The following TPRG1 variants were observed in gnomAD, a reference collection of about 807,000 sequenced individuals.
TPRG1 encodes the protein tumor protein p63 regulated 1, also known as tumor protein p63-regulated gene 1 protein.
Under a neutral mutation model 29.3 loss-of-function variants are expected in TPRG1, and 29 were observed. The observed-to-expected ratio is 0.99, with a 90% CI of 0.74 to 1.35. The LOEUF (loss-of-function observed/expected upper bound fraction) is 1.35. Ranked by LOEUF, TPRG1 falls within the 40% of genes most tolerant of loss-of-function variation. The pLI is 0.00. For missense variants in TPRG1, 327 were observed against 335.0 expected (o/e 0.98, Z 0.19); for synonymous variants, 130 against 116.8 (o/e 1.11, Z -0.73).
At chr3:189,079,685 G>A (rs1717455100) in intron 4 of TPRG1, among the ~76,000 whole-genome samples, 2 of 152,228 alleles carry the variant, frequency 1.3e-5, no homozygotes, top group South Asian at 4.2e-4. Context: ...TTGACACTCT[G>A]CACTCCCCAT....
At chr3:189,213,801 T>G (rs1465988560) in intron 2 of TPRG1, among the ~76,000 whole-genome samples, 1 of 152,206 alleles carries the variant, frequency 6.6e-6, no homozygotes, top group Non-Finnish European at 1.5e-5. Flanking sequence ...TCTGTTCATT[T>G]TTTTCTTTCA....
intron 4 of TPRG1, among the ~76,000 whole-genome samples, chr3:189,258,504 T>G (rs534675871): frequency 5.3e-5 from 8 of 152,250 alleles, no homozygotes; most frequent in South Asian, 2.1e-4. Flanking sequence ...GAGGAGGCAG[T>G]GTGTCCCTTG....
chr3:189,306,569 A>G (rs1244533490), intron 4 of TPRG1, among the ~76,000 whole-genome samples: 3 of 152,196 alleles, frequency 2.0e-5, no homozygotes, highest in Non-Finnish European at 4.4e-5. Context: ...TTTTAAAATT[A>G]CATTTCACTA....
chr3:189,286,690 A>G (rs1576963821), intron 4 of TPRG1, among the ~76,000 whole-genome samples: 2 of 152,216 alleles, frequency 1.3e-5, no homozygotes, highest in African/African-American at 4.8e-5. Context: ...GCATATGGAA[A>G]CAGAGGAATG....
intron 1 of TPRG1, among the ~76,000 whole-genome samples, chr3:189,125,028 G>A (rs192382814): frequency 1.3e-5 from 2 of 152,198 alleles, no homozygotes. Flanking sequence ...TAATCTTTTA[G>A]GTCTCTCTTC....
chr3:189,070,379 G>A (rs6791714), intron 4 of TPRG1, among the ~76,000 whole-genome samples: 17,458 of 152,012 alleles, frequency 0.11, 1,704 homozygotes, highest in African/African-American at 0.26. Context: ...ACCTATACAT[G>A]TAATAAAATT....
chr3:189,108,896 CT>C (rs1156541451), intron 1 of TPRG1, among the ~76,000 whole-genome samples: 1 of 151,936 alleles, frequency 6.6e-6, no homozygotes, highest in Admixed American at 6.6e-5. Flanking sequence ...TTCCATCTTG[CT>C]TTGCTCTCCT....
chr3:189,050,783 C>G (rs1487266021), intron 4 of TPRG1, among the ~76,000 whole-genome samples: 2 of 152,142 alleles, frequency 1.3e-5, no homozygotes, highest in East Asian at 3.8e-4. Flanking sequence ...TTAACGTACA[C>G]AAGTCAATAA....
intron 3 of TPRG1, chr3:189,132,756 C>T (rs1002269111): frequency 7.2e-5 from 11 of 152,206 alleles, no homozygotes; most frequent in Admixed American, 3.9e-4. Context: ...TGATTTGAAG[C>T]TGCATGGAAA....
chr3:189,325,019 GA>G lies in TPRG1; in HGVS notation c.*4200del, dbSNP rs1724608117. 1 of 152,082 alleles carries G rather than the reference GA, an allele frequency of 6.6e-6. No individual in the cohort carries two copies. The highest frequency in any genetic ancestry group is 2.1e-4 in the South Asian group (1 of 4,830). 9.4% of individuals were successfully genotyped at this position (152,082 alleles called of 1,614,324 possible). ...CAACGTGCTCCGAAAGCAGTTAGGG[GA>G]CTAGGCCTCTTGATTTCCTTGTAGA... is the stretch of plus-strand genomic sequence containing the variant. On this transcript the variant is annotated 3_prime_UTR_variant, in exon 6 of 6. Transcript: ENST00000345063.
At chr3:189,055,938 C>T (rs1715638644) in intron 4 of TPRG1, among the ~76,000 whole-genome samples, 1 of 151,878 alleles carries the variant, frequency 6.6e-6, no homozygotes, top group South Asian at 2.1e-4. Flanking sequence ...CCTGCAGTGG[C>T]CCTCTCTTCC....
chr3:189,140,589 C>T (rs2108565014), intron 3 of TPRG1, among the ~76,000 whole-genome samples: 1 of 152,268 alleles, frequency 6.6e-6, no homozygotes, highest in South Asian at 2.1e-4. Flanking sequence ...CGCTGGTGTC[C>T]AGAAGGCCAG....
intron 1 of TPRG1, among the ~76,000 whole-genome samples, chr3:189,173,453 C>T (rs1729090799): frequency 1.3e-5 from 2 of 151,022 alleles, no homozygotes. Context: ...GATTCTCCTG[C>T]CTCAGCCTCC....
intron 3 of TPRG1, among the ~76,000 whole-genome samples, chr3:189,232,716 T>A (rs958161717): frequency 2.6e-5 from 4 of 152,198 alleles, no homozygotes; most frequent in African/African-American, 9.6e-5. Context: ...GGAAGGTTGG[T>A]GACCATTGGG....
At position 189,312,137 on chromosome 3, in the gene TPRG1, C is replaced by G. The variant is rs550511999; in HGVS notation, c.633+1598C>G. ...TCTTTGTTTCTTTCTTTCTTTCTTT[C>G]TTTCTTTCTTTCTTTCTTTCTTTCT... On this transcript the variant is annotated intron_variant, in intron 5 of 5. Transcript: ENST00000345063. Among the ~76,000 whole-genome samples the G allele has an allele frequency of 1.7e-3, 58 of 33,466 alleles. 3 individuals carry two copies. Among genetic ancestry groups the G allele is most frequent in the African/African-American group, 5.4e-3 (38 of 6,994 alleles). The allele number at this position is 33,466 out of a possible 152,430, so 22.0% of individuals were successfully genotyped here.
At chr3:189,178,733 G>T (rs529061824) in intron 1 of TPRG1, among the ~76,000 whole-genome samples, 1 of 152,266 alleles carries the variant, frequency 6.6e-6, no homozygotes, top group African/African-American at 2.4e-5. Context: ...TTGAGTTCAT[G>T]GTTCTCTTCA....
At chr3:189,230,983 T>C (rs1578939126) in intron 3 of TPRG1, among the ~76,000 whole-genome samples, 1 of 152,122 alleles carries the variant, frequency 6.6e-6, no homozygotes, top group African/African-American at 2.4e-5. Flanking sequence ...CTGGCTAGGG[T>C]ATCTAAATGA....
chr3:189,173,342 C>CT (rs5855241), intron 1 of TPRG1, among the ~76,000 whole-genome samples: 2,298 of 113,606 alleles, frequency 0.02, 67 homozygotes, highest in African/African-American at 0.07. Context: ...TTTTCTTCTT[C>CT]TTTTTTTTTT....
Position 189,041,182 on chromosome 3 carries a change from T to C in TPRG1, c.-463+17236T>C, listed in dbSNP as rs114883220. 8.2e-3 allele frequency among the ~76,000 whole-genome samples: 1,248 copies of C among 152,290 alleles called. 19 individuals carry two copies. Among genetic ancestry groups the C allele is most frequent in the African/African-American group, 0.028 (1,184 of 41,560 alleles). Reference sequence around the variant, plus strand: ...TCTTTCCTTATTGCTCCCAATTCTTTGCTTCCTTCTTGCTAAGTTGGAAGG... The same window carrying C: ...TCTTTCCTTATTGCTCCCAATTCTTCGCTTCCTTCTTGCTAAGTTGGAAGG... On this transcript the variant is annotated intron_variant, in intron 4 of 10. Transcript: ENST00000433971.
Sources: allele counts gnomAD v4.1 joint callset (sites outside exome capture counted in the v4.1 genomes callset), GRCh38; gene constraint gnomAD v4.1.1; transcripts MANE v1.5; gene names NCBI Gene and HGNC (gene_info 2026-07-23, HGNC 2026-07-21).